Variants in TUSC3 observed in about 807,000 individuals in gnomAD.
TUSC3 encodes dolichyl-diphosphooligosaccharide--protein glycosyltransferase subunit TUSC3.
A neutral mutation model predicts 44.8 loss-of-function variants in TUSC3; 45 were observed. The ratio of observed to expected loss-of-function variants is 1.00; its 90% confidence interval spans 0.79 to 1.29. The LOEUF (loss-of-function observed/expected upper bound fraction) is 1.29. Among genes scored for constraint, TUSC3 ranks in the 50% most tolerant of loss-of-function variants. The pLI is 0.00. For missense variants in TUSC3, 519 were observed against 437.9 expected (o/e 1.19, Z -1.65); for synonymous variants, 212 against 152.9 (o/e 1.39, Z -2.85).
At chr8:15,833,824 A>G in the TUSC3 span, among the ~76,000 whole-genome samples, 1 of 135,560 alleles carries the variant, frequency 7.4e-6, no homozygotes, top group Non-Finnish European at 1.6e-5. Flanking sequence ...ATGCACATGT[A>G]CCCCTGAACT....
chr8:15,669,153 G>A (rs1358451634), intron 5 of TUSC3, among the ~76,000 whole-genome samples: 3 of 151,702 alleles, frequency 2.0e-5, no homozygotes, highest in East Asian at 3.9e-4. Flanking sequence ...TCACTATTAA[G>A]GTTGACAATA....
intron 2 of TUSC3, among the ~76,000 whole-genome samples, chr8:15,523,462 A>G (rs909985654): frequency 6.6e-6 from 1 of 151,796 alleles, no homozygotes; most frequent in Non-Finnish European, 1.5e-5. Context: ...AAAATGCATA[A>G]CCTCTTTGAG....
chr8:15,552,432 G>C (rs1802090614), intron 1 of TUSC3, among the ~76,000 whole-genome samples: 1 of 151,714 alleles, frequency 6.6e-6, no homozygotes, highest in Non-Finnish European at 1.5e-5. Context: ...CAGAAAATCA[G>C]GCAGTTATAA....
upstream of TUSC3, among the ~76,000 whole-genome samples, chr8:15,538,422 T>C (rs1801560248): frequency 6.6e-6 from 1 of 152,152 alleles, no homozygotes; most frequent in African/African-American, 2.4e-5. Context: ...AATCAAAAGC[T>C]TGCGATACAG....
At chr8:15,698,677 G>T (rs925550235) in intron 6 of TUSC3, among the ~76,000 whole-genome samples, 1 of 152,000 alleles carries the variant, frequency 6.6e-6, no homozygotes, top group Non-Finnish European at 1.5e-5. Flanking sequence ...TATTTTTTCT[G>T]TGCCATTCTC....
At chr8:15,716,119 G>T (rs748925211) in intron 6 of TUSC3, among the ~76,000 whole-genome samples, 4 of 152,066 alleles carry the variant, frequency 2.6e-5, no homozygotes, top group African/African-American at 9.7e-5. Context: ...AGCTTGGCAT[G>T]ATGGTACACA....
the TUSC3 span, among the ~76,000 whole-genome samples, chr8:15,811,531 G>C: frequency 6.6e-6 from 1 of 152,212 alleles, no homozygotes; most frequent in African/African-American, 2.4e-5. Flanking sequence ...GGGAAAAGTA[G>C]TCAAGCTGTA....
At chr8:15,427,811 C>CA (rs1388763357) in intron 1 of TUSC3, among the ~76,000 whole-genome samples, 1 of 152,020 alleles carries the variant, frequency 6.6e-6, no homozygotes, top group Non-Finnish European at 1.5e-5. Context: ...TTGTCATACT[C>CA]AAAAAATCTT....
At chr8:15,535,172 C>T (rs527499759) in intron 2 of TUSC3, among the ~76,000 whole-genome samples, 2 of 152,214 alleles carry the variant, frequency 1.3e-5, no homozygotes, top group South Asian at 2.1e-4. Flanking sequence ...TGATATATAG[C>T]AGGTTAGATT....
intron 9 of TUSC3, among the ~76,000 whole-genome samples, chr8:15,757,188 G>C (rs1231278818): frequency 2.0e-5 from 3 of 152,078 alleles, no homozygotes; most frequent in Non-Finnish European, 2.9e-5. Context: ...TTCTAAGCTG[G>C]GTGATAACAA....
intron 1 of TUSC3, among the ~76,000 whole-genome samples, chr8:15,434,383 C>A (rs1012711138): frequency 6.6e-6 from 1 of 152,032 alleles, no homozygotes; most frequent in African/African-American, 2.4e-5. Context: ...TTTCTTGCAA[C>A]GCAAATTGTA....
chr8:15,550,385 A>G (rs2129136341), intron 1 of TUSC3, among the ~76,000 whole-genome samples: 1 of 151,854 alleles, frequency 6.6e-6, no homozygotes, highest in African/African-American at 2.4e-5. Context: ...TCATAAGAGA[A>G]TAGTAACTGT....
At chr8:15,621,616 A>G (rs1043632770) in intron 1 of TUSC3, among the ~76,000 whole-genome samples, 8 of 148,004 alleles carry the variant, frequency 5.4e-5, no homozygotes, top group African/African-American at 1.7e-4. Flanking sequence ...TAAATTATAC[A>G]TAAATATTAT....
chr8:15,843,619 T>TACACACACAC, the TUSC3 span, among the ~76,000 whole-genome samples: 1 of 142,976 alleles, frequency 7.0e-6, no homozygotes, highest in Admixed American at 6.8e-5. Flanking sequence ...TATATATATA[T>TACACACACAC]ATACACGCAC....
intron 1 of TUSC3, among the ~76,000 whole-genome samples, chr8:15,467,521 T>C (rs998277242): frequency 1.3e-5 from 2 of 152,190 alleles, no homozygotes; most frequent in African/African-American, 4.8e-5. Context: ...TTTGCACTAA[T>C]TGATCTTATT....
chr8:15,634,284 G>C (rs1361154627), intron 2 of TUSC3, among the ~76,000 whole-genome samples: 1 of 152,156 alleles, frequency 6.6e-6, no homozygotes, highest in African/African-American at 2.4e-5. Flanking sequence ...CTCTTGGCTG[G>C]CTGGTAGACT....
chr8:15,455,649 C>T (rs1800248104), intron 1 of TUSC3, among the ~76,000 whole-genome samples: 1 of 152,120 alleles, frequency 6.6e-6, no homozygotes, highest in South Asian at 2.1e-4. Context: ...GCCAATGAGA[C>T]CACCTTTGCA....
Position 15,766,044 on chromosome 8 carries a change from ATAAC to A in TUSC3, c.*1892_*1895del, listed in dbSNP as rs773317004. On this transcript the variant is annotated 3_prime_UTR_variant, in exon 11 of 11. Coordinates refer to ENST00000503731, the MANE Select transcript of TUSC3 (RefSeq NM_006765.4). ...CAAAGTCAGGTCATCCTCAGACACT[ATAAC>A]TAAGATAGATAAGGAGTACTTTACT... 1 of 152,226 alleles carries A rather than the reference ATAAC, an allele frequency of 6.6e-6. No homozygotes were observed. Among genetic ancestry groups the A allele is most frequent in the Non-Finnish European group, 1.5e-5 (1 of 67,984 alleles). The allele number at this position is 152,226 out of a possible 1,614,324, so 9.4% of individuals were successfully genotyped here.
intron 2 of TUSC3, among the ~76,000 whole-genome samples, chr8:15,522,120 A>G (rs1008660440): frequency 7.2e-5 from 11 of 152,174 alleles, no homozygotes; most frequent in African/African-American, 2.4e-4. Context: ...GTTGTGTCCA[A>G]GCTTCAGGGA....
Sources: allele counts gnomAD v4.1 joint callset (sites outside exome capture counted in the v4.1 genomes callset), GRCh38; gene constraint gnomAD v4.1.1; transcripts MANE v1.5; gene names NCBI Gene and HGNC (gene_info 2026-07-23, HGNC 2026-07-21).